LEPR: variants seen among roughly 807,000 people sequenced by gnomAD.
The protein encoded by LEPR is OB receptor.
A neutral mutation model predicts 114.7 loss-of-function variants in LEPR; 56 were observed. That is an observed-to-expected ratio of 0.49 (90% confidence interval 0.39 to 0.61). The LOEUF is 0.61. Ranked by LOEUF, LEPR falls within the 20% of genes least tolerant of loss-of-function variation. The pLI is 0.00. For synonymous variants in LEPR, 443 were observed against 461.4 expected (o/e 0.96, Z 0.51); for missense variants, 1,202 against 1,352.9 (o/e 0.89, Z 1.75).
At chr1:65,455,207 A>T (rs774924547) in intron 2 of LEPR, among the ~76,000 whole-genome samples, 1 of 152,146 alleles carries the variant, frequency 6.6e-6, no homozygotes, top group Non-Finnish European at 1.5e-5. Context: ...AAAGTTTTCA[A>T]CTTCTTTGCC....
At chr1:65,492,123 A>T (rs1331146571) in intron 2 of LEPR, among the ~76,000 whole-genome samples, 5 of 152,104 alleles carry the variant, frequency 3.3e-5, no homozygotes, top group Non-Finnish European at 1.5e-5. Flanking sequence ...TATACCTCAT[A>T]TGAGAAAGAT....
chr1:65,430,473 G>A (rs1646465116), intron 2 of LEPR, among the ~76,000 whole-genome samples: 1 of 152,172 alleles, frequency 6.6e-6, no homozygotes, highest in Non-Finnish European at 1.5e-5. Flanking sequence ...GGACAACTGT[G>A]TAGCTTCCAG....
intron 2 of LEPR, among the ~76,000 whole-genome samples, chr1:65,538,273 T>G (rs1650917238): frequency 6.6e-6 from 1 of 152,076 alleles, no homozygotes; most frequent in South Asian, 2.1e-4. Context: ...ATTTTCAAGT[T>G]TTTTTCTGGC....
At chr1:65,501,116 C>G (rs1648428591) in intron 2 of LEPR, among the ~76,000 whole-genome samples, 1 of 152,080 alleles carries the variant, frequency 6.6e-6, no homozygotes, top group African/African-American at 2.4e-5. Context: ...GGTTTTCTTA[C>G]TACCTATATG....
intron 6 of LEPR, among the ~76,000 whole-genome samples, chr1:65,595,981 G>A (rs1656036671): frequency 1.3e-5 from 2 of 152,054 alleles, no homozygotes; most frequent in South Asian, 4.1e-4. Context: ...GGTTTGTCTA[G>A]ATTATAGTGA....
chr1:65,637,100 G>T lies in LEPR; in HGVS notation c.*85G>T. On this transcript the variant is annotated 3_prime_UTR_variant, in exon 20 of 20. Coordinates refer to ENST00000349533, the MANE Select transcript of LEPR (RefSeq NM_002303.6). ...ATAGTTGTGGGTGGGAGAGAGAAAA[G>T]AAACCAGAGTCAAATTTGAAAATAA... The T allele has an allele frequency of 1.4e-6, 2 of 1,398,402 alleles. No homozygotes were observed. Among genetic ancestry groups the T allele is most frequent in the South Asian group, 2.5e-5 (2 of 81,426 alleles). 86.6% of individuals were successfully genotyped at this position (1,398,402 alleles called of 1,614,324 possible).
chr1:65,609,823 G>A (rs2100967949), intron 12 of LEPR, 124 bp from the exon 13 acceptor site: 1 of 1,362,902 alleles, frequency 7.3e-7, no homozygotes, highest in Non-Finnish European at 1.0e-6. Flanking sequence ...TGAAGGCAGA[G>A]AACACAGAAT....
At chr1:65,509,888 A>C (rs900206163) in intron 2 of LEPR, among the ~76,000 whole-genome samples, 1 of 152,196 alleles carries the variant, frequency 6.6e-6, no homozygotes, top group African/African-American at 2.4e-5. Flanking sequence ...CATAAAGAGG[A>C]GTTTTTCTTT....
chr1:65,533,528 C>T (rs2100630766), intron 2 of LEPR, among the ~76,000 whole-genome samples: 1 of 152,116 alleles, frequency 6.6e-6, no homozygotes, highest in East Asian at 1.9e-4. Context: ...TTTTTCTGTT[C>T]TAACTGCTTA....
At position 65,474,396 on chromosome 1, in the gene LEPR, T is replaced by C. The variant is rs549300587; in HGVS notation, c.-21+49018T>C. Among the ~76,000 whole-genome samples the C allele has an allele frequency of 2.6e-3, 391 of 152,334 alleles. 3 individuals carry two copies. The highest frequency in any genetic ancestry group is 8.1e-3 in the African/African-American group (337 of 41,578). The stretch of plus-strand genomic sequence containing the variant: ...TGCCCTCTCCTTCCTTTCAATGATA[T>C]GGTGAAAATGAATTTAAAGCAATTA... On this transcript the variant is annotated intron_variant, in intron 2 of 19. Transcript: ENST00000349533.
intron 5 of LEPR, among the ~76,000 whole-genome samples, chr1:65,582,360 G>A (rs1655046686): frequency 6.6e-6 from 1 of 152,158 alleles, no homozygotes; most frequent in Non-Finnish European, 1.5e-5. Context: ...ACTTCAGGAG[G>A]AGCTAGTTTT....
chr1:65,615,107 A>G (rs566850766), intron 14 of LEPR, among the ~76,000 whole-genome samples: 12 of 152,244 alleles, frequency 7.9e-5, no homozygotes, highest in East Asian at 1.9e-4. Flanking sequence ...CTTACTTTCA[A>G]CCTATCCAGA....
At chr1:65,579,903 C>G (rs986185157) in intron 5 of LEPR, among the ~76,000 whole-genome samples, 1 of 152,102 alleles carries the variant, frequency 6.6e-6, no homozygotes, top group African/African-American at 2.4e-5. Flanking sequence ...GTCAGCCAAA[C>G]AGTCATTGGT....
intron 14 of LEPR, among the ~76,000 whole-genome samples, chr1:65,615,518 G>GAGGAA (rs1392081244): frequency 6.6e-6 from 1 of 152,084 alleles, no homozygotes; most frequent in African/African-American, 2.4e-5. Context: ...AAGAGTATCA[G>GAGGAA]AGGAAAGGAA....
At chr1:65,599,906 G>A (rs1656330271) in intron 8 of LEPR, among the ~76,000 whole-genome samples, 1 of 151,938 alleles carries the variant, frequency 6.6e-6, no homozygotes, top group Non-Finnish European at 1.5e-5. Context: ...TTTATCCAGT[G>A]TAAATTTCAC....
At chr1:65,602,932 C>G (rs1401737204) in intron 10 of LEPR, among the ~76,000 whole-genome samples, 1 of 152,126 alleles carries the variant, frequency 6.6e-6, no homozygotes, top group Non-Finnish European at 1.5e-5. Context: ...CTTTTATAAT[C>G]TGTCTTTACA....
chr1:65,533,606 CCTTT>C (rs199790302), intron 2 of LEPR, among the ~76,000 whole-genome samples: 18 of 152,158 alleles, frequency 1.2e-4, no homozygotes, highest in East Asian at 1.2e-3. Context: ...TAATTTTCAG[CCTTT>C]CTTCTTTTTG....
At chr1:65,423,331 C>G (rs981993039) in intron 1 of LEPR, among the ~76,000 whole-genome samples, 3 of 151,582 alleles carry the variant, frequency 2.0e-5, no homozygotes, top group South Asian at 4.2e-4. Context: ...TTGGTCAACT[C>G]CAACTTTAAG....
chr1:65,603,957 G>C (rs1656634795), intron 10 of LEPR, among the ~76,000 whole-genome samples: 1 of 151,836 alleles, frequency 6.6e-6, no homozygotes, highest in South Asian at 2.1e-4. Context: ...ATATTAATTT[G>C]AACTAGAAAA....
Sources: gnomAD v4.1 joint callset for allele counts (sites outside exome capture counted in the v4.1 genomes callset) on GRCh38, gnomAD v4.1.1 for gene constraint, MANE v1.5 for transcripts, NCBI Gene and HGNC (gene_info 2026-07-23, HGNC 2026-07-21) for gene names.